The following GPD2 variants were observed in gnomAD, a reference collection of about 807,000 sequenced individuals.
GPD2 encodes glycerol-3-phosphate dehydrogenase 2.
In GPD2, 54 loss-of-function variants were observed where a neutral mutation model predicts 82.4. That is an observed-to-expected ratio of 0.66 (90% CI 0.53 to 0.82). GPD2 has a LOEUF of 0.82. Ranked by LOEUF, GPD2 falls within the 40% of genes least tolerant of loss-of-function variation. The pLI is 0.00. For missense variants in GPD2, 748 were observed against 896.2 expected (o/e 0.83, Z 2.11); for synonymous variants, 288 against 306.1 (o/e 0.94, Z 0.62).
intron 8 of GPD2, among the ~76,000 whole-genome samples, chr2:156,551,290 G>C (rs1231107258): frequency 1.3e-5 from 2 of 152,132 alleles, no homozygotes; most frequent in Non-Finnish European, 2.9e-5. Context: ...GGCAGGAGTA[G>C]AGATAAAATA....
chr2:156,473,292 C>A (rs1414524504), intron 1 of GPD2, among the ~76,000 whole-genome samples: 3 of 152,094 alleles, frequency 2.0e-5, no homozygotes, highest in African/African-American at 7.2e-5. Context: ...GTATTAGTGG[C>A]TCATTGGGAA....
At chr2:156,570,836 A>G (rs1465178876) in intron 12 of GPD2, among the ~76,000 whole-genome samples, 1 of 152,206 alleles carries the variant, frequency 6.6e-6, no homozygotes, top group East Asian at 1.9e-4. Context: ...TAGAGAGGTA[A>G]GTGATGACTG....
At chr2:156,433,229 C>T (rs928601479), upstream of GPD2, among the ~76,000 whole-genome samples, 21 of 152,118 alleles carry the variant, frequency 1.4e-4, no homozygotes, top group African/African-American at 5.1e-4. Flanking sequence ...CAAAGCAGAC[C>T]TCCCTCTTGC....
intron 13 of GPD2, among the ~76,000 whole-genome samples, chr2:156,573,559 A>G (rs1453658685): frequency 2.6e-5 from 4 of 152,168 alleles, no homozygotes; most frequent in Non-Finnish European, 4.4e-5. Context: ...TATGCTAGGA[A>G]TTCAGGCTGT....
At chr2:156,430,364 A>G (rs1281016241), upstream of GPD2, among the ~76,000 whole-genome samples, 1 of 152,210 alleles carries the variant, frequency 6.6e-6, no homozygotes, top group Non-Finnish European at 1.5e-5. Context: ...GAAAAACAAA[A>G]TACTTACATA....
chr2:156,441,755 G>T (rs537544156), intron 1 of GPD2, among the ~76,000 whole-genome samples: 10 of 152,192 alleles, frequency 6.6e-5, no homozygotes, highest in Non-Finnish European at 1.0e-4. Flanking sequence ...TTACCCTGTG[G>T]CGTCTGCACA....
At chr2:156,408,756 A>G in the GPD2 span, among the ~76,000 whole-genome samples, 9 of 151,210 alleles carry the variant, frequency 6.0e-5, no homozygotes, top group Middle Eastern at 3.5e-3. Flanking sequence ...AAATGCAGCC[A>G]GCTCCTGAAG....
chr2:156,526,547 T>C (rs1685615525), intron 6 of GPD2, among the ~76,000 whole-genome samples: 1 of 152,288 alleles, frequency 6.6e-6, no homozygotes, highest in Non-Finnish European at 1.5e-5. Flanking sequence ...TGTGTTGATA[T>C]GCTTTATATT....
chr2:156,430,371 C>G (rs1056403105), upstream of GPD2, among the ~76,000 whole-genome samples: 2 of 152,114 alleles, frequency 1.3e-5, no homozygotes, highest in Non-Finnish European at 2.9e-5. Flanking sequence ...AAAATACTTA[C>G]ATAGTTATGC....
chr2:156,530,967 T>C (rs1346594251), intron 6 of GPD2, among the ~76,000 whole-genome samples: 1 of 152,106 alleles, frequency 6.6e-6, no homozygotes. Context: ...GCTGGGAGTG[T>C]GGGCATGCAC....
intron 6 of GPD2, among the ~76,000 whole-genome samples, chr2:156,523,180 T>G (rs2105291319): frequency 6.6e-6 from 1 of 152,266 alleles, no homozygotes; most frequent in South Asian, 2.1e-4. Flanking sequence ...ATGATATGTA[T>G]CCACCACTGC....
At chr2:156,464,486 A>G (rs528395162) in intron 1 of GPD2, among the ~76,000 whole-genome samples, 106 of 152,326 alleles carry the variant, frequency 7.0e-4, no homozygotes, top group African/African-American at 2.4e-3. Flanking sequence ...AGACTGCAGG[A>G]TGGAAAAACT....
At chr2:156,554,915 T>A (rs1686903640) in intron 8 of GPD2, among the ~76,000 whole-genome samples, 1 of 152,208 alleles carries the variant, frequency 6.6e-6, no homozygotes, top group South Asian at 2.1e-4. Flanking sequence ...AGAAAAATAT[T>A]CATTACATTT....
chr2:156,452,686 C>T (rs1032360490), intron 1 of GPD2, among the ~76,000 whole-genome samples: 2 of 152,144 alleles, frequency 1.3e-5, no homozygotes, highest in Non-Finnish European at 2.9e-5. Flanking sequence ...GAGGATAATA[C>T]AGTGAATTTC....
At chr2:156,472,735 G>A (rs1683376518) in intron 1 of GPD2, among the ~76,000 whole-genome samples, 1 of 152,204 alleles carries the variant, frequency 6.6e-6, no homozygotes, top group African/African-American at 2.4e-5. Context: ...ACATTTGGGT[G>A]ACTTTGAGAA....
In GPD2 at chr2:156,471,214, A is replaced by G. The variant is rs1321625953; in HGVS notation, c.-8-4884A>G. Among the ~76,000 whole-genome samples the G allele has an allele frequency of 7.2e-5, 11 of 152,290 alleles. No homozygotes were observed. The South Asian group carries it at 2.1e-3, about 29-fold the overall frequency. On this transcript the variant is annotated intron_variant, in intron 1 of 16. Coordinates refer to ENST00000438166, the MANE Select transcript of GPD2 (RefSeq NM_000408.5). ...CTGTCTAATTGAGTGCTGTCCTTAG[A>G]CAGTTGTGCAAAACATCAGTCTCTA...
intron 3 of GPD2, among the ~76,000 whole-genome samples, chr2:156,509,908 G>C (rs1458836704): frequency 6.6e-6 from 1 of 151,692 alleles, no homozygotes; most frequent in Admixed American, 6.6e-5. Flanking sequence ...CGAGTAGCTG[G>C]GATTACAGGC....
chr2:156,547,414 T>G (rs185693144), intron 6 of GPD2, among the ~76,000 whole-genome samples: 2 of 152,268 alleles, frequency 1.3e-5, no homozygotes, highest in African/African-American at 4.8e-5. Flanking sequence ...AATAAGTGTG[T>G]GTAAAGGCAA....
At chr2:156,499,861 C>A (rs1416927598) in intron 3 of GPD2, among the ~76,000 whole-genome samples, 1 of 150,600 alleles carries the variant, frequency 6.6e-6, no homozygotes, top group Non-Finnish European at 1.5e-5. Flanking sequence ...AAGTTCTGAA[C>A]CAGCTCTGAG....
Sources: gnomAD v4.1 joint callset for allele counts (sites outside exome capture counted in the v4.1 genomes callset) on GRCh38, gnomAD v4.1.1 for gene constraint, MANE v1.5 for transcripts, NCBI Gene and HGNC (gene_info 2026-07-23, HGNC 2026-07-21) for gene names.